Variants in TCF3 observed in about 807,000 individuals in gnomAD.
The protein encoded by TCF3 is transcription factor 3, also known as transcription factor E2-alpha.
TCF3 carries 54 observed loss-of-function variants against 72.3 expected under a neutral mutation model. The observed-to-expected ratio is 0.75, with a 90% CI of 0.60 to 0.94. TCF3 has a LOEUF of 0.94. TCF3 is among the 40% of genes least tolerant of loss of function. The pLI is 0.00. For synonymous variants in TCF3, 525 were observed against 412.6 expected (o/e 1.27, Z -3.30); for missense variants, 1,078 against 934.4 (o/e 1.15, Z -2.00).
At position 1,614,580 on chromosome 19, in the gene TCF3, C is replaced by T. The variant is rs779103986; in HGVS notation, c.1822+705G>A. Among the ~76,000 whole-genome samples the T allele has an allele frequency of 1.8e-4, 28 of 152,026 alleles. No homozygotes were observed. Among genetic ancestry groups the T allele is most frequent in the Non-Finnish European group, 2.5e-4 (17 of 67,996 alleles). On this transcript the variant is annotated intron_variant, in intron 18 of 18. Coordinates refer to ENST00000262965, the MANE Select transcript of TCF3 (RefSeq NM_003200.5). This position sits in a 1 kb window ranked among gnomAD's most constrained non-coding sequence, Gnocchi z 5.6. ...AGAGCTGAGGGGATAGCGTGTGGGC[C>T]GGGCCGGGGCTCTGGCTCCGGTCCC...
At chr19:1,648,565 G>A (rs1179842254) in intron 2 of TCF3, among the ~76,000 whole-genome samples, 1 of 152,204 alleles carries the variant, frequency 6.6e-6, no homozygotes, top group Non-Finnish European at 1.5e-5. Flanking sequence ...CAACCCAACT[G>A]CACCTCGGGT....
At chr19:1,635,890 G>C (rs527600067) in intron 3 of TCF3, among the ~76,000 whole-genome samples, 22 of 152,310 alleles carry the variant, frequency 1.4e-4, no homozygotes, top group Middle Eastern at 3.4e-3. Flanking sequence ...CGCAGGTTCC[G>C]TTTACTCGGG....
At chr19:1,632,291 G>C in intron 4 of TCF3, 41 bp downstream of exon 4, 1 of 1,560,448 alleles carries the variant, frequency 6.4e-7, no homozygotes, top group Non-Finnish European at 8.7e-7. Context: ...CAACTCTGGG[G>C]ACAGGAAACT....
chr19:1,622,385 C>T lies in TCF3; in HGVS notation c.580G>A (p.Gly194Ser), dbSNP rs775205212. 1.5e-5 allele frequency: 20 copies of T among 1,292,810 alleles called. No individual in the cohort carries two copies. The highest frequency in any genetic ancestry group is 1.4e-4 in the South Asian group (10 of 73,342). The allele number at this position is 1,292,810 out of a possible 1,614,324, so 80.1% of individuals were successfully genotyped here. A position where few individuals can be genotyped will look rare whatever the true frequency, so the allele number is the denominator to read the frequency against. The change falls in exon 9 of 19, where the codon GGC (glycine) becomes AGC (serine). Residue 194 changes from glycine (G) to serine (S), a missense_variant. By Grantham distance (56) the Gly-to-Ser change is moderately conservative. Transcript: ENST00000262965. Reference protein sequence around the residue: ...VYPPSSGEDYGRDATAYPSAK... With the variant: ...VYPPSSGEDYSRDATAYPSAK... ...GACGGGTAGGCGGTGGCATCCCTGC[C>T]GTAGTCCTCACCTGAGCTGGGTGGG...
chr19:1,650,131 G>C, intron 2 of TCF3, 46 bp downstream of exon 2: 2 of 1,512,828 alleles, frequency 1.3e-6, no homozygotes, highest in Non-Finnish European at 1.8e-6. Flanking sequence ...CCCGTGAACT[G>C]TGGAGGCAAA....
rs117613203 is a variant in TCF3 at position 1,626,095 on chromosome 19, G to T, written c.367-387C>A. Among the ~76,000 whole-genome samples the T allele has an allele frequency of 7.3e-3, 1,108 of 152,272 alleles. 5 individuals are homozygous for T. Among genetic ancestry groups the T allele is most frequent in the Admixed American group, 0.012 (182 of 15,296 alleles). ...ATTCTGTACATGTTAGTGTGAAACG[G>T]GCTTTCTTCCTGGGGAGCCAGGGCT... is the stretch of plus-strand genomic sequence containing the variant. On this transcript the variant is annotated intron_variant, in intron 6 of 18. Transcript: ENST00000262965.
intron 2 of TCF3, among the ~76,000 whole-genome samples, chr19:1,648,268 A>G (rs1044912894): frequency 6.6e-6 from 1 of 152,202 alleles, no homozygotes; most frequent in Admixed American, 6.5e-5. Flanking sequence ...GCAGGAACAG[A>G]GTGGGGATGC....
In TCF3 at chr19:1,622,400, A is replaced by G. The variant is rs1309500570; in HGVS notation, c.565T>C (p.Ser189Pro). 8.0e-7 allele frequency: 1 copy of G among 1,254,452 alleles called. No homozygotes were observed. Among genetic ancestry groups the G allele is most frequent in the Non-Finnish European group, 1.0e-6 (1 of 964,112 alleles). The allele number at this position is 1,254,452 out of a possible 1,614,324, so 77.7% of individuals were successfully genotyped here. A position where few individuals can be genotyped will look rare whatever the true frequency, so the allele number is the denominator to read the frequency against. ...GCATCCCTGCCGTAGTCCTCACCTG[A>G]GCTGGGTGGGTACACCTGCGGGCGG... ...GLPSSVYPPSSGEDYGRDATA... is the reference protein window; with the variant it reads ...GLPSSVYPPSPGEDYGRDATA... The change falls in exon 9 of 19, where the codon TCA becomes CCA. Residue 189 changes from serine (S) to proline (P), a missense_variant. Physicochemically the swap from Ser to Pro is moderately conservative, Grantham distance 74. Transcript: ENST00000262965.
chr19:1,647,198 C>G (rs533445508), intron 2 of TCF3, among the ~76,000 whole-genome samples: 158 of 152,294 alleles, frequency 1.0e-3, no homozygotes, highest in African/African-American at 3.7e-3. Flanking sequence ...ACACTAAGTC[C>G]CTAAAGATTA....
At chr19:1,639,629 A>G (rs1465007048) in intron 3 of TCF3, among the ~76,000 whole-genome samples, 2 of 152,134 alleles carry the variant, frequency 1.3e-5, no homozygotes, top group African/African-American at 4.8e-5. Flanking sequence ...TGCGTCCTCC[A>G]AACAGTAGCT....
chr19:1,645,516 C>T (rs746931852), intron 3 of TCF3, among the ~76,000 whole-genome samples: 3 of 151,240 alleles, frequency 2.0e-5, no homozygotes, highest in South Asian at 2.1e-4. Context: ...GGCGTCCGTA[C>T]GGGCTGCTCT....
intron 1 of TCF3, among the ~76,000 whole-genome samples, chr19:1,652,035 G>A (rs2067187212): frequency 6.7e-6 from 1 of 149,150 alleles, no homozygotes; most frequent in Non-Finnish European, 1.5e-5. Context: ...CCCCGCCCGG[G>A]GCTGCTTAAA....
rs541437758 is a variant in TCF3, at chr19:1,640,722, T to A, written c.145+5633A>T. 2.8e-4 allele frequency among the ~76,000 whole-genome samples: 43 copies of A among 151,368 alleles called. No individual in the cohort carries two copies. In the South Asian group the frequency reaches 8.9e-3, roughly 31 times the overall value. On this transcript the variant is annotated intron_variant, in intron 3 of 18. Coordinates refer to ENST00000262965, the MANE Select transcript of TCF3 (RefSeq NM_003200.5). ...AGGGAGGCTAGGCAGGAGAATGGCG[T>A]GAACCTGGGAGGCGGAGCTTGCAGT...
chr19:1,625,914 G>C (rs561551968), intron 6 of TCF3, among the ~76,000 whole-genome samples: 1 of 152,180 alleles, frequency 6.6e-6, no homozygotes, highest in Non-Finnish European at 1.5e-5. Flanking sequence ...CTGTTTTCAC[G>C]AAGAACGAAA....
Position 1,615,977 on chromosome 19 carries a change from A to AC in TCF3, c.1451-157dup. Among the ~76,000 whole-genome samples, 1 of 152,158 alleles carries AC rather than the reference A, an allele frequency of 6.6e-6. No homozygotes were observed. The highest frequency in any genetic ancestry group is 2.1e-4 in the South Asian group (1 of 4,820). The stretch of plus-strand genomic sequence containing the variant: ...AACCAACAACCAGAACTGGATCCCT[A>AC]CCTCACGCCATGTGTAGCTACCAAT... On this transcript the variant is annotated intron_variant, in intron 16 of 18. Coordinates refer to ENST00000262965, the MANE Select transcript of TCF3 (RefSeq NM_003200.5). This position sits in a 1 kb window ranked among gnomAD's most constrained non-coding sequence, Gnocchi z 7.3.
intron 11 of TCF3, 147 bp downstream of exon 11, chr19:1,621,691 A>G: frequency 9.1e-7 from 1 of 1,093,304 alleles, no homozygotes; most frequent in South Asian, 1.7e-5. Flanking sequence ...CCCTGCAGAC[A>G]GCGGACAATG....
Position 1,610,327 on chromosome 19 carries a change from G to A in TCF3, c.*1380C>T, listed in dbSNP as rs2060895466. ...AGGGAGGGCAGCAGGTGTGGCCCCAGGCCCAGGGATGCTCCCCAGCATTGG... is the reference window on the plus strand; with the variant it reads ...AGGGAGGGCAGCAGGTGTGGCCCCAAGCCCAGGGATGCTCCCCAGCATTGG... On this transcript the variant is annotated 3_prime_UTR_variant, in exon 19 of 19. Coordinates refer to ENST00000262965, the MANE Select transcript of TCF3 (RefSeq NM_003200.5). 1 of 232,150 alleles carries A rather than the reference G, an allele frequency of 4.3e-6. No homozygotes were observed. Among genetic ancestry groups the A allele is most frequent in the Non-Finnish European group, 8.5e-6 (1 of 117,432 alleles). The allele number at this position is 232,150 out of a possible 1,614,324, so 14.4% of individuals were successfully genotyped here.
At chr19:1,631,991 T>C in intron 5 of TCF3, 47 bp downstream of exon 5, 2 of 1,597,918 alleles carry the variant, frequency 1.3e-6, no homozygotes, top group Non-Finnish European at 1.7e-6. Context: ...GGCCCACGTC[T>C]GCACATCTGT....
chr19:1,630,276 C>G (rs1385961958), intron 5 of TCF3, among the ~76,000 whole-genome samples: 1 of 152,192 alleles, frequency 6.6e-6, no homozygotes, highest in African/African-American at 2.4e-5. Flanking sequence ...CAGGCCTCAC[C>G]TACCCCGTAA....
Sources: allele counts gnomAD v4.1 joint callset (sites outside exome capture counted in the v4.1 genomes callset), GRCh38; gene constraint gnomAD v4.1.1; non-coding constraint Gnocchi (gnomAD v3.1); transcripts MANE v1.5; gene names NCBI Gene and HGNC (gene_info 2026-07-23, HGNC 2026-07-21).